PLSCR4: variants seen among roughly 807,000 people sequenced by gnomAD.
PLSCR4 encodes phospholipid scramblase 4, also known as Ca(2+)-dependent phospholipid scramblase 4.
A neutral mutation model predicts 36.3 loss-of-function variants in PLSCR4; 25 were observed. That is an observed-to-expected ratio of 0.69 (90% CI 0.50 to 0.96). The LOEUF is 0.96. Ranked by LOEUF, PLSCR4 falls within the 40% of genes least tolerant of loss-of-function variation. The pLI is 0.00. For synonymous variants in PLSCR4, 122 were observed against 132.9 expected, an observed-to-expected ratio of 0.92 and a Z score of 0.56; for missense variants, 408 against 414.7, an observed-to-expected ratio of 0.98 and a Z score of 0.14.
chr3:146,227,620 TTAGAG>T (rs1319022894), intron 1 of PLSCR4, among the ~76,000 whole-genome samples: 4 of 150,940 alleles, frequency 2.7e-5, no homozygotes, highest in South Asian at 2.1e-4. Context: ...GGATTAGCTC[TTAGAG>T]TAGAGTATTT....
At chr3:146,216,891 A>T (rs2108277841) in intron 3 of PLSCR4, among the ~76,000 whole-genome samples, 1 of 152,280 alleles carries the variant, frequency 6.6e-6, no homozygotes, top group African/African-American at 2.4e-5. Flanking sequence ...ATAATGCAAA[A>T]GCCAGTCGCC....
chr3:146,223,931 C>A (rs1576477703), intron 1 of PLSCR4, among the ~76,000 whole-genome samples: 1 of 144,344 alleles, frequency 6.9e-6, no homozygotes, highest in African/African-American at 2.5e-5. Context: ...TAAAATAATA[C>A]AAATATATAA....
At chr3:146,235,148 AAAG>A (rs1241299703) in intron 1 of PLSCR4, among the ~76,000 whole-genome samples, 1 of 152,162 alleles carries the variant, frequency 6.6e-6, no homozygotes, top group Non-Finnish European at 1.5e-5. Flanking sequence ...AAGAAAATCC[AAAG>A]ATGATGATAT....
chr3:146,203,362 G>A (rs1209602852), intron 4 of PLSCR4, among the ~76,000 whole-genome samples: 1 of 151,946 alleles, frequency 6.6e-6, no homozygotes, highest in African/African-American at 2.4e-5. Flanking sequence ...GAGTAGTAAT[G>A]TTTTGCAAGA....
chr3:146,225,125 T>G (rs1011660950), intron 1 of PLSCR4, among the ~76,000 whole-genome samples: 1 of 151,906 alleles, frequency 6.6e-6, no homozygotes, highest in African/African-American at 2.4e-5. Flanking sequence ...AGATACAGAG[T>G]GTCCATTGGT....
intron 1 of PLSCR4, among the ~76,000 whole-genome samples, chr3:146,237,435 C>T (rs976318188): frequency 6.6e-6 from 1 of 152,082 alleles, no homozygotes; most frequent in African/African-American, 2.4e-5. Flanking sequence ...ACCTGATTTT[C>T]AAGTGCATAT....
At position 146,193,065 on chromosome 3, in the gene PLSCR4, G is replaced by A. The variant is rs2033490994; in HGVS notation, c.*1346C>T. On this transcript the variant is annotated 3_prime_UTR_variant, in exon 9 of 9. Coordinates refer to ENST00000354952, the MANE Select transcript of PLSCR4 (RefSeq NM_020353.3). ...ACTGACTGTGTTAAAAAAAAAAAAT[G>A]CAGTCCATATGCAGGTAGAAAACTA... The A allele has an allele frequency of 6.7e-6, 1 of 150,130 alleles. No homozygotes were observed. Among genetic ancestry groups the A allele is most frequent in the Non-Finnish European group, 1.5e-5 (1 of 67,564 alleles). 9.3% of individuals were successfully genotyped at this position (150,130 alleles called of 1,614,324 possible).
intron 3 of PLSCR4, among the ~76,000 whole-genome samples, chr3:146,206,983 T>C (rs777236580): frequency 1.3e-5 from 2 of 152,106 alleles, no homozygotes; most frequent in Non-Finnish European, 2.9e-5. Flanking sequence ...GCTTATAAGA[T>C]AATTATTCCC....
intron 4 of PLSCR4, among the ~76,000 whole-genome samples, chr3:146,205,700 C>T (rs1467924012): frequency 6.6e-6 from 1 of 152,032 alleles, no homozygotes; most frequent in Non-Finnish European, 1.5e-5. Flanking sequence ...CATCATGCTA[C>T]TCAGAATAAA....
At chr3:146,229,734 C>A (rs1245929229) in intron 1 of PLSCR4, among the ~76,000 whole-genome samples, 1 of 151,754 alleles carries the variant, frequency 6.6e-6, no homozygotes, top group African/African-American at 2.4e-5. Flanking sequence ...ACGCCATTCT[C>A]CTGCCTCAGC....
At chr3:146,199,716 G>T in intron 6 of PLSCR4, 97 bp downstream of exon 6, 3 of 986,524 alleles carry the variant, frequency 3.0e-6, no homozygotes, top group Non-Finnish European at 4.7e-6. Flanking sequence ...TGGCTGGCAG[G>T]GCCAGGGAAT....
At chr3:146,200,359 A>C (rs1257676806) in intron 5 of PLSCR4, among the ~76,000 whole-genome samples, 5 of 151,246 alleles carry the variant, frequency 3.3e-5, no homozygotes, top group Non-Finnish European at 5.9e-5. Flanking sequence ...AAACCATTTA[A>C]AAAAATTATA....
intron 3 of PLSCR4, among the ~76,000 whole-genome samples, chr3:146,219,159 A>G (rs73865357): frequency 0.011 from 1,688 of 152,324 alleles, 30 homozygotes; most frequent in African/African-American, 0.038. Context: ...GGTCTGCACT[A>G]TAATATTTTT....
intron 4 of PLSCR4, among the ~76,000 whole-genome samples, chr3:146,201,361 T>TA (rs1280178591): frequency 3.3e-5 from 5 of 152,242 alleles, no homozygotes; most frequent in Admixed American, 2.0e-4. Flanking sequence ...CTTGCTGTAG[T>TA]AATCACATCA....
Position 146,194,418 on chromosome 3 carries a change from G to T in PLSCR4, c.983C>A (p.Ser328Ter). The T allele has an allele frequency of 6.2e-7, 1 of 1,607,686 alleles. No individual in the cohort carries two copies. Among genetic ancestry groups the T allele is most frequent in the Non-Finnish European group, 8.5e-7 (1 of 1,174,408 alleles). Residue 328 changes from serine (S) to a stop codon, truncating the protein, a stop_gained, in exon 9 of 9, where the codon TCA becomes TAA. Coordinates refer to ENST00000354952, the MANE Select transcript of PLSCR4 (RefSeq NM_020353.3). LOFTEE classifies it high-confidence loss of function. Reference sequence around the variant, plus strand: ...ATGGCTTGCTGTGTCTCTCTATCTTGAACGTTGTGGTGGAGATCTTTCAAA... The same window carrying T: ...ATGGCTTGCTGTGTCTCTCTATCTTTAACGTTGTGGTGGAGATCTTTCAAA... ...MYFERSPPQRSR is the reference protein window; with the variant it reads ...MYFERSPPQR
intron 1 of PLSCR4, 69 bp from the exon 2 acceptor site, chr3:146,222,161 C>A: frequency 1.9e-6 from 1 of 524,788 alleles, no homozygotes; most frequent in South Asian, 3.9e-5. Flanking sequence ...CTCAGTAACA[C>A]AGGTAAGGAT....
chr3:146,198,459 G>A (rs955984623), intron 6 of PLSCR4, among the ~76,000 whole-genome samples: 2 of 152,000 alleles, frequency 1.3e-5, no homozygotes, highest in African/African-American at 4.8e-5. Flanking sequence ...GGAGTGAAGT[G>A]GTGTAATCAC....
chr3:146,208,378 T>A (rs952168193), intron 3 of PLSCR4, among the ~76,000 whole-genome samples: 1 of 152,106 alleles, frequency 6.6e-6, no homozygotes, highest in African/African-American at 2.4e-5. Flanking sequence ...AGGCAAAGAC[T>A]TCATGACCAA....
At chr3:146,215,623 A>G (rs140938570) in intron 3 of PLSCR4, among the ~76,000 whole-genome samples, 58 of 152,066 alleles carry the variant, frequency 3.8e-4, no homozygotes, top group African/African-American at 1.4e-3. Flanking sequence ...TAATGTGTGT[A>G]TATGTATGTA....
Sources: allele counts gnomAD v4.1 joint callset (sites outside exome capture counted in the v4.1 genomes callset), GRCh38; gene constraint gnomAD v4.1.1; transcripts MANE v1.5; gene names NCBI Gene and HGNC (gene_info 2026-07-23, HGNC 2026-07-21).